Variants in ADCK1 observed in about 807,000 individuals in gnomAD.
ADCK1 encodes the protein aarF domain containing kinase 1, also known as aarF domain-containing protein kinase 1.
A neutral mutation model predicts 52.3 loss-of-function variants in ADCK1; 41 were observed. The ratio of observed to expected loss-of-function variants is 0.78; its 90% confidence interval spans 0.61 to 1.02. ADCK1 has a LOEUF of 1.02. Ranked by LOEUF, ADCK1 falls within the 50% of genes least tolerant of loss-of-function variation. ADCK1 has a pLI of 0.00. For missense variants in ADCK1, 658 were observed against 679.5 expected (o/e 0.97, Z 0.35); for synonymous variants, 250 against 274.6 (o/e 0.91, Z 0.89).
chr14:77,900,097 A>G (rs1441536180), intron 6 of ADCK1, among the ~76,000 whole-genome samples: 2 of 145,854 alleles, frequency 1.4e-5, no homozygotes, highest in Non-Finnish European at 3.0e-5. Context: ...AAAATTCATC[A>G]GTAATACAGT....
At chr14:77,922,537 C>T (rs1305349436) in intron 7 of ADCK1, among the ~76,000 whole-genome samples, 1 of 152,214 alleles carries the variant, frequency 6.6e-6, no homozygotes, top group Non-Finnish European at 1.5e-5. Flanking sequence ...TTTACCTTCC[C>T]AGTGACCCCT....
chr14:77,830,452 G>A (rs992529624), intron 3 of ADCK1, among the ~76,000 whole-genome samples: 1 of 150,836 alleles, frequency 6.6e-6, no homozygotes, highest in Non-Finnish European at 1.5e-5. Context: ...ACCGTGCCTC[G>A]CCAATTTTTT....
intron 7 of ADCK1, among the ~76,000 whole-genome samples, chr14:77,916,175 A>T (rs1192258081): frequency 6.6e-6 from 1 of 152,102 alleles, no homozygotes; most frequent in Non-Finnish European, 1.5e-5. Flanking sequence ...GAGATGCCAG[A>T]TGTCTCTGCT....
In ADCK1 at chr14:77,805,252, CTTTTTTTTTTTTTTT is replaced by C. The variant is rs777184096; in HGVS notation, c.-12+5095_-12+5109del. 8.0e-5 allele frequency among the ~76,000 whole-genome samples: 5 copies of C among 62,312 alleles called. 1 individual carries two copies. Among genetic ancestry groups the C allele is most frequent in the African/African-American group, 2.8e-4 (5 of 17,848 alleles). 40.9% of individuals were successfully genotyped at this position (62,312 alleles called of 152,430 possible). On this transcript the variant is annotated intron_variant, in intron 1 of 10. Transcript: ENST00000238561. ...AAAGAGTCATTTTTGGCTTTGCATTCTTTTTTTTTTTTTTTTTTTTTTTTTTTGAGACAGAGTCTT... is the reference window on the plus strand; with the variant it reads ...AAAGAGTCATTTTTGGCTTTGCATTCTTTTTTTTTTTTGAGACAGAGTCTT...
Position 77,899,141 on chromosome 14 carries a change from G to T in ADCK1, c.624G>T (p.Glu208Asp). The T allele has an allele frequency of 6.2e-7, 1 of 1,614,198 alleles. No homozygotes were observed. Among genetic ancestry groups the T allele is most frequent in the Non-Finnish European group, 8.5e-7 (1 of 1,180,040 alleles). The change falls in exon 6 of 11, where the codon GAG becomes GAT. Residue 208 changes from glutamate (E) to aspartate (D), a missense_variant. By Grantham distance (45) the Glu-to-Asp change is conservative. Transcript: ENST00000238561. ...LAVKQLFPEF[E>D]FMWLVDEAKK... Reference sequence around the variant, plus strand: ...TGAAGCAGCTGTTCCCAGAGTTTGAGTTTATGTGGCTTGTGGATGAAGCCA... The same window carrying T: ...TGAAGCAGCTGTTCCCAGAGTTTGATTTTATGTGGCTTGTGGATGAAGCCA...
intron 8 of ADCK1, 150 bp from the exon 9 acceptor site, chr14:77,925,614 C>A: frequency 2.6e-6 from 2 of 759,610 alleles, no homozygotes; most frequent in Non-Finnish European, 2.1e-6. Flanking sequence ...CTTGAAGCTT[C>A]AGGGATGGCA....
At position 77,857,500 on chromosome 14, in the gene ADCK1, T is replaced by G. The variant is rs537457626; in HGVS notation, c.220-1576T>G. Among the ~76,000 whole-genome samples, 7 of 152,316 alleles carry G rather than the reference T, an allele frequency of 4.6e-5. No homozygotes were observed. The East Asian group carries it at 1.3e-3, about 29-fold the overall frequency. On this transcript the variant is annotated intron_variant, in intron 3 of 10. Coordinates refer to ENST00000238561, the MANE Select transcript of ADCK1 (RefSeq NM_020421.4). Reference sequence around the variant, plus strand: ...AAGTTTACTTTATGTTTGTACCCTTTAATCCACTTCTCTTCATCCTCTGCC... The same window carrying G: ...AAGTTTACTTTATGTTTGTACCCTTGAATCCACTTCTCTTCATCCTCTGCC...
At chr14:77,851,691 T>C (rs934524903) in intron 3 of ADCK1, among the ~76,000 whole-genome samples, 3 of 152,186 alleles carry the variant, frequency 2.0e-5, no homozygotes, top group Non-Finnish European at 4.4e-5. Context: ...TCAGTCTATA[T>C]TTAAGTGATA....
chr14:77,914,566 G>A (rs984095000), intron 7 of ADCK1: 1 of 985,406 alleles, frequency 1.0e-6, no homozygotes, highest in Non-Finnish European at 1.2e-6. Context: ...GGCTGGGTGA[G>A]GCTTTATAGA....
intron 9 of ADCK1, among the ~76,000 whole-genome samples, chr14:77,926,572 C>T (rs563356923): frequency 2.0e-5 from 3 of 152,328 alleles, no homozygotes; most frequent in African/African-American, 7.2e-5. Context: ...CCTCTGCCTC[C>T]GGGGTTCAAG....
At position 77,866,546 on chromosome 14, in the gene ADCK1, C is replaced by CA. The variant is rs2082665368; in HGVS notation, c.423+7269dup. On this transcript the variant is annotated intron_variant, in intron 4 of 10. Coordinates refer to ENST00000238561, the MANE Select transcript of ADCK1 (RefSeq NM_020421.4). ...GTTAGGGTTAATTGCTGCAGTTTCC[C>CA]AAGGCCCTTTGGCAGCTCTCCTCTG... Among the ~76,000 whole-genome samples the CA allele has an allele frequency of 2.6e-5, 4 of 152,276 alleles. No homozygotes were observed. In the South Asian group the frequency reaches 8.3e-4, roughly 32 times the overall value.
chr14:77,835,185 T>C (rs1464982036), intron 3 of ADCK1, among the ~76,000 whole-genome samples: 1 of 152,212 alleles, frequency 6.6e-6, no homozygotes, highest in Non-Finnish European at 1.5e-5. Context: ...CTAGGGACCA[T>C]GGCCAATACC....
chr14:77,896,226 T>C (rs1269597701), intron 5 of ADCK1, among the ~76,000 whole-genome samples: 1 of 152,202 alleles, frequency 6.6e-6, no homozygotes, highest in Non-Finnish European at 1.5e-5. Flanking sequence ...ATATCAATGA[T>C]AATTAAAAAT....
intron 3 of ADCK1, among the ~76,000 whole-genome samples, chr14:77,823,973 A>T (rs572734976): frequency 6.6e-6 from 1 of 152,092 alleles, no homozygotes; most frequent in South Asian, 2.1e-4. Context: ...ATCTTGGTTC[A>T]CTGCAACCTC....
chr14:77,924,943 C>T (rs750540014), intron 8 of ADCK1, among the ~76,000 whole-genome samples: 2 of 152,194 alleles, frequency 1.3e-5, no homozygotes, highest in African/African-American at 2.4e-5. Context: ...TGGGACTTTA[C>T]GGGGAAGGAG....
intron 1 of ADCK1, among the ~76,000 whole-genome samples, chr14:77,804,849 C>T (rs1043384537): frequency 2.6e-5 from 4 of 152,166 alleles, no homozygotes; most frequent in African/African-American, 9.7e-5. Context: ...TTACTTTATA[C>T]ATCCTCTGTG....
chr14:77,895,857 G>A (rs569751483), intron 5 of ADCK1, among the ~76,000 whole-genome samples: 74 of 152,140 alleles, frequency 4.9e-4, no homozygotes, highest in Non-Finnish European at 8.4e-4. Flanking sequence ...GCTTCGTAGC[G>A]GGTATCAAGT....
chr14:77,897,889 G>A (rs936717125), intron 5 of ADCK1, among the ~76,000 whole-genome samples: 2 of 152,190 alleles, frequency 1.3e-5, no homozygotes, highest in African/African-American at 2.4e-5. Context: ...AGCAAGGGCT[G>A]TAGAGTTGGC....
In ADCK1 at chr14:77,925,782, C is replaced by T. The variant is rs372281167; in HGVS notation, c.1027C>T (p.Arg343Cys). The stretch of plus-strand genomic sequence containing the variant: ...ACCCTAGATGCTCACGGAAGAATTC[C>T]GCCTGAATTACTGCCACCTCTGGCA... ...GLYQMLTEEF[R>C]LNYCHLWQSL... Residue 343 changes from arginine to cysteine, a missense_variant, in exon 9 of 11, where the codon CGC becomes TGC. By Grantham distance (180) the Arg-to-Cys change is radical. Transcript: ENST00000238561. 47 of 1,614,124 alleles carry T rather than the reference C, an allele frequency of 2.9e-5. No homozygotes were observed. The highest frequency in any genetic ancestry group is 1.6e-4 in the Middle Eastern group (1 of 6,062).
Sources: gnomAD v4.1 joint callset for allele counts (sites outside exome capture counted in the v4.1 genomes callset) on GRCh38, gnomAD v4.1.1 for gene constraint, MANE v1.5 for transcripts, NCBI Gene and HGNC (gene_info 2026-07-23, HGNC 2026-07-21) for gene names.